ASAP1: variants seen among roughly 807,000 people sequenced by gnomAD.
ASAP1 encodes the protein ArfGAP with SH3 domain, ankyrin repeat and PH domain 1.
A neutral mutation model predicts 145.2 loss-of-function variants in ASAP1; 43 were observed. The observed-to-expected ratio is 0.30, with a 90% CI of 0.23 to 0.38. The LOEUF (loss-of-function observed/expected upper bound fraction) is 0.38, where lower values mean the gene tolerates loss of function less well. Ranked by LOEUF, ASAP1 falls within the 10% of genes least tolerant of loss-of-function variation. The probability of loss-of-function intolerance (pLI) is 1.00; values close to 1 mark genes in which losing one functional copy is unlikely to be tolerated. For synonymous variants in ASAP1, 546 were observed against 515.5 expected (o/e 1.06, Z -0.80); for missense variants, 1,018 against 1,355.3 (o/e 0.75, Z 3.91).
chr8:130,195,649 C>A (rs117884292), intron 5 of ASAP1, among the ~76,000 whole-genome samples: 1 of 152,178 alleles, frequency 6.6e-6, no homozygotes, highest in Admixed American at 6.5e-5. Flanking sequence ...ATACATCAAG[C>A]CTAACCAGAA....
chr8:130,321,155 G>A (rs964734350), intron 3 of ASAP1, among the ~76,000 whole-genome samples: 7 of 152,028 alleles, frequency 4.6e-5, no homozygotes, highest in Non-Finnish European at 1.0e-4. Flanking sequence ...TCTTCCAAAA[G>A]GCTGTCAATC....
At chr8:130,111,091 G>A (rs1282092097) in intron 24 of ASAP1, among the ~76,000 whole-genome samples, 1 of 151,638 alleles carries the variant, frequency 6.6e-6, no homozygotes, top group East Asian at 1.9e-4. Context: ...GGGATTCCTC[G>A]TCTGGGCGCA....
chr8:130,286,330 C>G (rs1821609703), intron 3 of ASAP1, among the ~76,000 whole-genome samples: 1 of 152,192 alleles, frequency 6.6e-6, no homozygotes, highest in African/African-American at 2.4e-5. Context: ...AAAAACAAAG[C>G]TAGCATTTAT....
intron 18 of ASAP1, among the ~76,000 whole-genome samples, chr8:130,122,648 A>G (rs1256897675): frequency 6.6e-6 from 1 of 152,236 alleles, no homozygotes; most frequent in East Asian, 1.9e-4. Context: ...CCAAGGTCAC[A>G]TAGTTTAGGA....
intron 3 of ASAP1, among the ~76,000 whole-genome samples, chr8:130,335,761 G>A (rs1402051634): frequency 6.6e-6 from 1 of 152,178 alleles, no homozygotes; most frequent in Non-Finnish European, 1.5e-5. Flanking sequence ...GAGATAGTCT[G>A]AGGTTAAGAA....
At chr8:130,355,336 C>G (rs1314378524) in intron 3 of ASAP1, among the ~76,000 whole-genome samples, 3 of 152,198 alleles carry the variant, frequency 2.0e-5, no homozygotes, top group African/African-American at 7.2e-5. Flanking sequence ...GGAGATCTAA[C>G]AGTTTTTCAG....
chr8:130,180,968 T>A (rs575727091), intron 7 of ASAP1, 88 bp from the exon 8 acceptor site: 6 of 1,281,568 alleles, frequency 4.7e-6, no homozygotes, highest in Non-Finnish European at 6.5e-6. Flanking sequence ...AACTATGGAT[T>A]TGGGGTGACG....
chr8:130,133,392 C>T (rs6992854), intron 15 of ASAP1, among the ~76,000 whole-genome samples: 2,644 of 151,148 alleles, frequency 0.017, 35 homozygotes, highest in East Asian at 0.054. Flanking sequence ...CGCGGTGGCT[C>T]ACGCCTGTAA....
At chr8:130,390,066 AC>A (rs1328001404) in intron 2 of ASAP1, among the ~76,000 whole-genome samples, 3 of 152,180 alleles carry the variant, frequency 2.0e-5, no homozygotes, top group African/African-American at 4.8e-5. Context: ...AATTAGAAAC[AC>A]TAAAGGGAGG....
At chr8:130,348,617 G>A (rs980203057) in intron 3 of ASAP1, among the ~76,000 whole-genome samples, 3 of 152,136 alleles carry the variant, frequency 2.0e-5, no homozygotes, top group Non-Finnish European at 4.4e-5. Context: ...CCTAACTCCT[G>A]CCCACAAATA....
intron 11 of ASAP1, among the ~76,000 whole-genome samples, chr8:130,164,060 G>A (rs1480895041): frequency 6.6e-6 from 1 of 152,114 alleles, no homozygotes; most frequent in Non-Finnish European, 1.5e-5. Flanking sequence ...AGGTATCAAT[G>A]GAGTGGGCAA....
intron 1 of ASAP1, among the ~76,000 whole-genome samples, chr8:130,406,735 G>A (rs1829048194): frequency 6.6e-6 from 1 of 152,104 alleles, no homozygotes; most frequent in South Asian, 2.1e-4. Flanking sequence ...CACCTGCCTT[G>A]GCCTCTCAAA....
chr8:130,125,669 T>G (rs1281982821), intron 17 of ASAP1, among the ~76,000 whole-genome samples: 3 of 152,126 alleles, frequency 2.0e-5, no homozygotes, highest in Non-Finnish European at 2.9e-5. Context: ...ATATGAAAAC[T>G]AATTCATAAA....
Position 130,247,614 on chromosome 8 carries a change from T to G in ASAP1, c.187-10620A>C, listed in dbSNP as rs556287947. 6.6e-5 allele frequency among the ~76,000 whole-genome samples: 10 copies of G among 152,236 alleles called. 1 individual carries two copies. In the East Asian group the frequency reaches 1.7e-3, roughly 26 times the overall value. On this transcript the variant is annotated intron_variant, in intron 3 of 29. Coordinates refer to ENST00000518721, the MANE Select transcript of ASAP1 (RefSeq NM_018482.4). Reference sequence around the variant, plus strand: ...TTTCTTCCCATTCCAGGAGGCTCTATGTAAAACAGCTAAAGAGTAGTTGAG... The same window carrying G: ...TTTCTTCCCATTCCAGGAGGCTCTAGGTAAAACAGCTAAAGAGTAGTTGAG...
At chr8:130,277,928 G>A (rs961646760) in intron 3 of ASAP1, among the ~76,000 whole-genome samples, 1 of 152,190 alleles carries the variant, frequency 6.6e-6, no homozygotes, top group African/African-American at 2.4e-5. Flanking sequence ...CTCTCGGGAG[G>A]ACCTCATCTG....
chr8:130,171,104 G>A (rs188733887), intron 9 of ASAP1, among the ~76,000 whole-genome samples: 12 of 152,258 alleles, frequency 7.9e-5, no homozygotes, highest in Admixed American at 3.3e-4. Flanking sequence ...AAAAGTTTAC[G>A]TTCTGACCCT....
In ASAP1 at chr8:130,328,261, C is replaced by A. The variant is rs140266609; in HGVS notation, c.186+29756G>T. On this transcript the variant is annotated intron_variant, in intron 3 of 29. Transcript: ENST00000518721. ...ACATAATTAGTATGTAGTGCCACAA[C>A]AGAGTTTCAAAACCAGGGCCAAGAG... Among the ~76,000 whole-genome samples, 75 of 152,194 alleles carry A rather than the reference C, an allele frequency of 4.9e-4. No individual in the cohort carries two copies. The East Asian group carries it at 0.012, about 23-fold the overall frequency.
At chr8:130,225,473 AC>A (rs1432273011) in intron 4 of ASAP1, among the ~76,000 whole-genome samples, 2 of 152,236 alleles carry the variant, frequency 1.3e-5, no homozygotes, top group Non-Finnish European at 2.9e-5. Flanking sequence ...ATATTTAAAT[AC>A]GTAATACATC....
In ASAP1 at chr8:130,187,221, C is replaced by A. The variant is rs781173584; in HGVS notation, c.530+15G>T. On this transcript the variant is annotated intron_variant, in intron 7 of 29. Transcript: ENST00000518721. ...TTAAAAAACAAACAAAAACTCTAAA[C>A]AAAAAACCACTTACAACTTTGTCTC... 2.8e-5 allele frequency: 44 copies of A among 1,591,994 alleles called. No individual in the cohort carries two copies. The highest frequency in any genetic ancestry group is 3.8e-5 in the Non-Finnish European group (44 of 1,172,590).
Sources: gnomAD v4.1 joint callset for allele counts (sites outside exome capture counted in the v4.1 genomes callset) on GRCh38, gnomAD v4.1.1 for gene constraint, MANE v1.5 for transcripts, NCBI Gene and HGNC (gene_info 2026-07-23, HGNC 2026-07-21) for gene names.